The following CDH13 variants were observed in gnomAD, a reference collection of about 807,000 sequenced individuals.
CDH13 encodes the protein cadherin-13.
A neutral mutation model predicts 63.8 loss-of-function variants in CDH13; 24 were observed. The ratio of observed to expected loss-of-function variants is 0.38; its 90% confidence interval spans 0.27 to 0.53. The LOEUF (loss-of-function observed/expected upper bound fraction) is 0.53. Ranked by LOEUF, CDH13 falls within the 20% of genes least tolerant of loss-of-function variation. CDH13 has a pLI of 0.85. For synonymous variants in CDH13, 503 were observed against 355.3 expected (o/e 1.42, Z -4.67); for missense variants, 1,049 against 903.1 (o/e 1.16, Z -2.07).
At chr16:83,300,116 A>G (rs1267754415) in intron 5 of CDH13, among the ~76,000 whole-genome samples, 4 of 152,234 alleles carry the variant, frequency 2.6e-5, no homozygotes, top group Admixed American at 2.0e-4. Flanking sequence ...GAGATTACCC[A>G]AGAGGGTGAG....
intron 5 of CDH13, among the ~76,000 whole-genome samples, chr16:83,311,721 C>G (rs773264920): frequency 6.6e-6 from 1 of 152,196 alleles, no homozygotes; most frequent in Non-Finnish European, 1.5e-5. Context: ...ATCCAGAACG[C>G]TCTTTTCTTC....
intron 7 of CDH13, among the ~76,000 whole-genome samples, chr16:83,491,449 G>T (rs2074009150): frequency 6.6e-6 from 1 of 152,254 alleles, no homozygotes; most frequent in Non-Finnish European, 1.5e-5. Context: ...TCTAACGTTT[G>T]ATAAATGTTT....
At position 83,376,429 on chromosome 16, in the gene CDH13, C is replaced by G. The variant is rs556755226; in HGVS notation, c.781+31423C>G. Among the ~76,000 whole-genome samples, 36 of 152,184 alleles carry G rather than the reference C, an allele frequency of 2.4e-4. No individual in the cohort carries two copies. The South Asian group carries it at 7.1e-3, about 30-fold the overall frequency. ...TAAGGGAAAAGGAGAATGCTGATAT[C>G]AAGAGCAAGGAGAACAGACGCAGGA... On this transcript the variant is annotated intron_variant, in intron 6 of 13. Transcript: ENST00000567109.
chr16:83,747,066 T>C (rs1912648696), intron 10 of CDH13, among the ~76,000 whole-genome samples: 1 of 152,246 alleles, frequency 6.6e-6, no homozygotes, highest in East Asian at 1.9e-4. Context: ...CTCTACTTTC[T>C]AGTCCCTAAA....
At chr16:83,629,516 C>G (rs1234804237) in intron 8 of CDH13, among the ~76,000 whole-genome samples, 2 of 152,188 alleles carry the variant, frequency 1.3e-5, no homozygotes, top group Non-Finnish European at 2.9e-5. Context: ...TGCCATCTCT[C>G]CACTTTATTA....
intron 10 of CDH13, among the ~76,000 whole-genome samples, chr16:83,725,205 G>C (rs1282976379): frequency 4.6e-5 from 7 of 152,214 alleles, no homozygotes; most frequent in Admixed American, 1.3e-4. Context: ...AGGTAGACCA[G>C]GGCAAGGATG....
chr16:83,693,664 A>G (rs1905105452), intron 10 of CDH13, among the ~76,000 whole-genome samples: 1 of 152,204 alleles, frequency 6.6e-6, no homozygotes, highest in South Asian at 2.1e-4. Context: ...GCGAACTGCT[A>G]TTAAATGTAG....
intron 2 of CDH13, among the ~76,000 whole-genome samples, chr16:82,931,122 A>C (rs2042476554): frequency 1.3e-5 from 2 of 152,198 alleles, no homozygotes; most frequent in African/African-American, 4.8e-5. Context: ...GTGATTAGGT[A>C]ATTACATGTG....
intron 1 of CDH13, among the ~76,000 whole-genome samples, chr16:82,849,775 T>C (rs1256611439): frequency 1.3e-5 from 2 of 152,212 alleles, no homozygotes; most frequent in African/African-American, 4.8e-5. Flanking sequence ...TTATTCACCA[T>C]TGCAAACATC....
intron 1 of CDH13, among the ~76,000 whole-genome samples, chr16:82,794,031 A>G (rs1248574199): frequency 1.3e-5 from 2 of 152,066 alleles, no homozygotes; most frequent in East Asian, 1.9e-4. Flanking sequence ...GGAAAGCAGA[A>G]AGGGAACTGG....
At chr16:83,329,627 C>T (rs1346223265) in intron 5 of CDH13, among the ~76,000 whole-genome samples, 2 of 152,102 alleles carry the variant, frequency 1.3e-5, no homozygotes, top group Admixed American at 1.3e-4. Flanking sequence ...TATTGTGAAA[C>T]ACATCTCCGG....
At chr16:83,344,780 C>T in intron 5 of CDH13, 82 bp from the exon 6 acceptor site, 1 of 1,496,302 alleles carries the variant, frequency 6.7e-7, no homozygotes, top group Non-Finnish European at 9.2e-7. Flanking sequence ...GTCGATATAA[C>T]CTACTTTCTC....
chr16:82,815,893 G>A (rs1210330427), intron 1 of CDH13, among the ~76,000 whole-genome samples: 1 of 152,186 alleles, frequency 6.6e-6, no homozygotes. Flanking sequence ...GACTGTTGGG[G>A]AAACGGAAAA....
intron 2 of CDH13, among the ~76,000 whole-genome samples, chr16:83,011,113 G>T (rs1392727902): frequency 6.6e-6 from 1 of 152,180 alleles, no homozygotes; most frequent in African/African-American, 2.4e-5. Flanking sequence ...TTGGGGCTCA[G>T]TTTACTGAGT....
At chr16:83,396,775 G>GATGATC (rs1388908904) in intron 6 of CDH13, 1 of 151,624 alleles carries the variant, frequency 6.6e-6, no homozygotes, top group African/African-American at 2.4e-5. Flanking sequence ...TGATGATGAT[G>GATGATC]ATAGGAACAT....
chr16:82,931,066 A>G (rs1260261184), intron 2 of CDH13, among the ~76,000 whole-genome samples: 1 of 152,226 alleles, frequency 6.6e-6, no homozygotes, highest in African/African-American at 2.4e-5. Context: ...TAGGCACCAT[A>G]TCTTCTTTCA....
intron 1 of CDH13, among the ~76,000 whole-genome samples, chr16:82,765,584 A>C (rs1004500533): frequency 1.3e-5 from 2 of 152,314 alleles, no homozygotes; most frequent in East Asian, 3.9e-4. Flanking sequence ...GGTATTTATG[A>C]TGAGAAAATC....
At chr16:83,421,798 C>T (rs545543931) in intron 6 of CDH13, among the ~76,000 whole-genome samples, 21 of 152,296 alleles carry the variant, frequency 1.4e-4, no homozygotes, top group East Asian at 5.8e-4. Flanking sequence ...GTGGAATTAA[C>T]GACATCAGTG....
intron 5 of CDH13, among the ~76,000 whole-genome samples, chr16:83,255,534 G>A (rs562997885): frequency 4.6e-5 from 7 of 152,278 alleles, no homozygotes; most frequent in South Asian, 2.1e-4. Flanking sequence ...TACGTGTCCC[G>A]CAGACTTGAT....
Sources: allele counts gnomAD v4.1 joint callset (sites outside exome capture counted in the v4.1 genomes callset), GRCh38; gene constraint gnomAD v4.1.1; transcripts MANE v1.5; gene names NCBI Gene and HGNC (gene_info 2026-07-23, HGNC 2026-07-21).